WWP2: variants seen among roughly 807,000 people sequenced by gnomAD.
WWP2 encodes the protein NEDD4-like E3 ubiquitin-protein ligase WWP2.
In WWP2, 57 loss-of-function variants were observed where a neutral mutation model predicts 121.0. The ratio of observed to expected loss-of-function variants is 0.47; its 90% CI spans 0.38 to 0.59. The LOEUF is 0.59. Ranked by LOEUF, WWP2 falls within the 20% of genes least tolerant of loss-of-function variation. The probability of loss-of-function intolerance (pLI) is 0.00; values close to 1 mark genes in which losing one functional copy is unlikely to be tolerated. For synonymous variants in WWP2, 449 were observed against 441.3 expected (o/e 1.02, Z -0.22); for missense variants, 962 against 1,158.9 (o/e 0.83, Z 2.47).
At chr16:69,857,172 C>T (rs1260441219) in intron 6 of WWP2, among the ~76,000 whole-genome samples, 2 of 152,004 alleles carry the variant, frequency 1.3e-5, no homozygotes, top group African/African-American at 2.4e-5. Context: ...GGCGCCATCT[C>T]GGCTCATTGC....
At chr16:69,911,592 G>A (rs907086681) in intron 9 of WWP2, among the ~76,000 whole-genome samples, 14 of 152,194 alleles carry the variant, frequency 9.2e-5, no homozygotes, top group African/African-American at 3.4e-4. Flanking sequence ...GCCAAAGAGG[G>A]TGGAAGGGCT....
intron 17 of WWP2, among the ~76,000 whole-genome samples, chr16:69,934,838 C>T (rs1163524914): frequency 6.6e-6 from 1 of 152,130 alleles, no homozygotes; most frequent in East Asian, 1.9e-4. Context: ...TTTTAGGTTA[C>T]CAGCTCTATG....
intron 1 of WWP2, among the ~76,000 whole-genome samples, chr16:69,763,573 T>A (rs1192656819): frequency 6.6e-6 from 1 of 152,240 alleles, no homozygotes; most frequent in African/African-American, 2.4e-5. Flanking sequence ...GACAAACATT[T>A]AAAAATTAGT....
intron 1 of WWP2, among the ~76,000 whole-genome samples, chr16:69,772,884 GT>G (rs2055446279): frequency 6.6e-6 from 1 of 152,008 alleles, no homozygotes; most frequent in South Asian, 2.1e-4. Context: ...GGGCAGCTAA[GT>G]TTCAGTTTCG....
intron 19 of WWP2, chr16:69,936,903 T>C: frequency 1.8e-6 from 1 of 562,494 alleles, no homozygotes; most frequent in Non-Finnish European, 3.0e-6. Context: ...CAGGAGGAGG[T>C]GGTGGTGAGG....
At chr16:69,885,013 A>G (rs1320524029) in intron 7 of WWP2, among the ~76,000 whole-genome samples, 1 of 151,888 alleles carries the variant, frequency 6.6e-6, no homozygotes, top group Non-Finnish European at 1.5e-5. Context: ...TCAGTACCAC[A>G]TTGTTTTAAT....
intron 4 of WWP2, among the ~76,000 whole-genome samples, chr16:69,828,347 G>T (rs536040638): frequency 6.6e-6 from 1 of 152,082 alleles, no homozygotes; most frequent in South Asian, 2.1e-4. Flanking sequence ...TTCTTGCAAG[G>T]TCATCATCTA....
At chr16:69,847,364 C>T (rs1473494602) in intron 6 of WWP2, among the ~76,000 whole-genome samples, 3 of 150,230 alleles carry the variant, frequency 2.0e-5, no homozygotes, top group African/African-American at 7.4e-5. Context: ...GGATTACAGG[C>T]ATGAGCCACC....
intron 19 of WWP2, 70 bp downstream of exon 19, chr16:69,936,522 G>A (rs2058801176): frequency 6.3e-7 from 1 of 1,597,598 alleles, no homozygotes; most frequent in South Asian, 1.1e-5. Context: ...AGAGAAAGAT[G>A]GGCCCCCACC....
At chr16:69,896,267 C>T (rs1015451514) in intron 8 of WWP2, among the ~76,000 whole-genome samples, 14 of 152,166 alleles carry the variant, frequency 9.2e-5, no homozygotes, top group African/African-American at 1.9e-4. Context: ...GACTACCATG[C>T]GCCACCATGC....
At chr16:69,823,078 C>T (rs1313232584) in intron 4 of WWP2, among the ~76,000 whole-genome samples, 1 of 152,124 alleles carries the variant, frequency 6.6e-6, no homozygotes, top group Non-Finnish European at 1.5e-5. Flanking sequence ...TTGCAGTGAG[C>T]CAAGATCGCG....
intron 4 of WWP2, among the ~76,000 whole-genome samples, chr16:69,803,907 CA>C (rs55693243): frequency 2.0e-5 from 3 of 150,240 alleles, no homozygotes; most frequent in Non-Finnish European, 1.5e-5. Context: ...GACTCCGTCT[CA>C]AAAAAAAATA....
chr16:69,806,937 T>TTTTTA (rs2056287146), intron 4 of WWP2, among the ~76,000 whole-genome samples: 3 of 142,084 alleles, frequency 2.1e-5, no homozygotes, highest in Non-Finnish European at 3.1e-5. Flanking sequence ...AGATCTGTTT[T>TTTTTA]ATTTATTTAT....
intron 7 of WWP2, among the ~76,000 whole-genome samples, chr16:69,882,600 T>C (rs951830880): frequency 6.6e-6 from 1 of 152,050 alleles, no homozygotes; most frequent in Non-Finnish European, 1.5e-5. Context: ...GCTGAGACCA[T>C]GGGTGCTGTG....
At chr16:69,913,285 G>A (rs555188744) in intron 9 of WWP2, among the ~76,000 whole-genome samples, 5 of 150,828 alleles carry the variant, frequency 3.3e-5, no homozygotes, top group African/African-American at 9.7e-5. Flanking sequence ...CACCCACCTC[G>A]GCCTCCCAAA....
At chr16:69,895,068 C>T (rs964733351) in intron 8 of WWP2, 4 of 152,212 alleles carry the variant, frequency 2.6e-5, no homozygotes, top group African/African-American at 9.6e-5. Context: ...TTGCCATCTC[C>T]TCTACCCCCC....
Position 69,924,484 on chromosome 16 carries a change from G to T in WWP2, c.1180-946G>T, listed in dbSNP as rs561928800. 3.9e-5 allele frequency among the ~76,000 whole-genome samples: 6 copies of T among 152,028 alleles called. No individual in the cohort carries two copies. The East Asian group carries it at 9.6e-4, about 24-fold the overall frequency. ...TGGAACAATACTTGTTTTATTTAAC[G>T]ACCAGAACTTTTTGACAACACCCCC... On this transcript the variant is annotated intron_variant, in intron 10 of 23. Transcript: ENST00000359154.
chr16:69,833,412 T>G (rs978818842), intron 4 of WWP2, among the ~76,000 whole-genome samples: 1 of 151,776 alleles, frequency 6.6e-6, no homozygotes, highest in South Asian at 2.1e-4. Context: ...TTCTTTTTTT[T>G]CTCTGGTGTG....
chr16:69,847,876 A>G (rs938607524), intron 6 of WWP2, among the ~76,000 whole-genome samples: 3 of 152,110 alleles, frequency 2.0e-5, no homozygotes, highest in African/African-American at 7.2e-5. Context: ...TTCAACATGA[A>G]TTTTGGTGGG....
Sources: allele counts gnomAD v4.1 joint callset (sites outside exome capture counted in the v4.1 genomes callset), GRCh38; gene constraint gnomAD v4.1.1; transcripts MANE v1.5; gene names NCBI Gene and HGNC (gene_info 2026-07-23, HGNC 2026-07-21).